The following ANGPT1 variants were observed in gnomAD, a reference collection of about 807,000 sequenced individuals.
ANGPT1 encodes the protein angiopoietin 1, also known as angiopoietin-1.
In ANGPT1, 17 loss-of-function variants were observed where a neutral mutation model predicts 62.2. The observed-to-expected ratio is 0.27, with a 90% CI of 0.19 to 0.41. The LOEUF is 0.41. ANGPT1 is among the 10% of genes least tolerant of loss of function. The pLI is 1.00. For synonymous variants in ANGPT1, 199 were observed against 198.9 expected, an observed-to-expected ratio of 1.00 and a Z score of 0.00; for missense variants, 478 against 594.9, an observed-to-expected ratio of 0.80 and a Z score of 2.04.
intron 1 of ANGPT1, among the ~76,000 whole-genome samples, chr8:107,388,747 C>A (rs1816780699): frequency 6.6e-6 from 1 of 152,026 alleles, no homozygotes. Flanking sequence ...GTGGCAGAGC[C>A]GAATTGATTG....
chr8:107,325,534 T>A (rs1257041028), intron 3 of ANGPT1, among the ~76,000 whole-genome samples: 2 of 152,198 alleles, frequency 1.3e-5, no homozygotes, highest in Non-Finnish European at 2.9e-5. Flanking sequence ...TGAAATAAGA[T>A]GGGCACTGGC....
chr8:107,310,553 T>A (rs1814824749), intron 4 of ANGPT1, among the ~76,000 whole-genome samples: 1 of 152,072 alleles, frequency 6.6e-6, no homozygotes, highest in South Asian at 2.1e-4. Flanking sequence ...GGAAGCAGGT[T>A]GTATGGGAAA....
intron 1 of ANGPT1, among the ~76,000 whole-genome samples, chr8:107,428,142 T>A (rs530987703): frequency 1.3e-5 from 2 of 152,330 alleles, no homozygotes; most frequent in East Asian, 3.9e-4. Flanking sequence ...CTGGAATTGA[T>A]GTTTAAGGAG....
chr8:107,329,353 T>C (rs1014044966), intron 3 of ANGPT1, among the ~76,000 whole-genome samples: 7 of 152,060 alleles, frequency 4.6e-5, no homozygotes, highest in Admixed American at 1.3e-4. Flanking sequence ...TTAATATACA[T>C]GTATATACAA....
chr8:107,411,725 C>A (rs1185062840), intron 1 of ANGPT1, among the ~76,000 whole-genome samples: 1 of 152,158 alleles, frequency 6.6e-6, no homozygotes, highest in African/African-American at 2.4e-5. Flanking sequence ...ACTGACACAG[C>A]AAATAGGAGA....
intron 3 of ANGPT1, among the ~76,000 whole-genome samples, 197 bp from the exon 4 acceptor site, chr8:107,322,325 G>C (rs1202784911): frequency 1.3e-5 from 2 of 152,166 alleles, no homozygotes; most frequent in Non-Finnish European, 2.9e-5. Context: ...TAAAAAATAA[G>C]TAAACCAGAT....
At chr8:107,260,173 T>C (rs761210748) in intron 8 of ANGPT1, among the ~76,000 whole-genome samples, 33 of 152,080 alleles carry the variant, frequency 2.2e-4, no homozygotes, top group Non-Finnish European at 4.3e-4. Flanking sequence ...ACCTTCTGCT[T>C]TCAGTTAAGC....
chr8:107,283,260 A>G (rs1814059217), intron 7 of ANGPT1, among the ~76,000 whole-genome samples: 1 of 152,114 alleles, frequency 6.6e-6, no homozygotes, highest in Non-Finnish European at 1.5e-5. Context: ...CCTCCTTGGA[A>G]ACATTTCTTC....
At chr8:107,380,940 C>A (rs544605342) in intron 1 of ANGPT1, among the ~76,000 whole-genome samples, 46 of 152,364 alleles carry the variant, frequency 3.0e-4, no homozygotes, top group African/African-American at 1.1e-3. Context: ...AAAGTAAAAG[C>A]AAGGTCATCT....
At chr8:107,471,195 C>T (rs1409464035) in intron 1 of ANGPT1, among the ~76,000 whole-genome samples, 1 of 152,154 alleles carries the variant, frequency 6.6e-6, no homozygotes, top group Non-Finnish European at 1.5e-5. Flanking sequence ...CACATATACA[C>T]CATGGAATAC....
intron 5 of ANGPT1, among the ~76,000 whole-genome samples, chr8:107,300,349 T>A (rs1017613550): frequency 6.6e-6 from 1 of 151,608 alleles, no homozygotes; most frequent in African/African-American, 2.4e-5. Flanking sequence ...ATTTTTTACC[T>A]GCAAAAATGT....
chr8:107,367,543 TGCTCTCTGTC>T (rs1816302331), intron 1 of ANGPT1, among the ~76,000 whole-genome samples: 1 of 151,426 alleles, frequency 6.6e-6, no homozygotes, highest in East Asian at 2.0e-4. Flanking sequence ...ATCTAAAGCA[TGCTCTCTGTC>T]TCTCTCTGTC....
intron 1 of ANGPT1, among the ~76,000 whole-genome samples, chr8:107,347,948 C>G (rs2130162886): frequency 6.6e-6 from 1 of 152,198 alleles, no homozygotes; most frequent in East Asian, 1.9e-4. Context: ...TATTAGGTAC[C>G]TGGGAAAATA....
At chr8:107,263,013 A>G (rs1813529171) in intron 8 of ANGPT1, among the ~76,000 whole-genome samples, 1 of 152,192 alleles carries the variant, frequency 6.6e-6, no homozygotes, top group Admixed American at 6.5e-5. Flanking sequence ...ATGCAAGTTT[A>G]TATCATTCAT....
At chr8:107,462,836 C>G (rs1424701581) in intron 1 of ANGPT1, among the ~76,000 whole-genome samples, 1 of 151,984 alleles carries the variant, frequency 6.6e-6, no homozygotes, top group Non-Finnish European at 1.5e-5. Flanking sequence ...ACAAAAATAT[C>G]AAAACTGTTA....
intron 1 of ANGPT1, among the ~76,000 whole-genome samples, chr8:107,380,806 C>A (rs1185584659): frequency 1.3e-5 from 2 of 152,136 alleles, no homozygotes; most frequent in African/African-American, 2.4e-5. Context: ...CAAAAGACAA[C>A]GTCTTACTTT....
At chr8:107,406,611 C>T (rs1057354357) in intron 1 of ANGPT1, among the ~76,000 whole-genome samples, 1 of 151,938 alleles carries the variant, frequency 6.6e-6, no homozygotes, top group African/African-American at 2.4e-5. Flanking sequence ...TGTAGTCTTT[C>T]GAGTCTCATA....
rs116717427 is a variant in ANGPT1, at chr8:107,328,350, G to A, written c.576-6222C>T. Among the ~76,000 whole-genome samples the A allele has an allele frequency of 3.0e-3, 457 of 151,900 alleles. 2 individuals are homozygous for A. The highest frequency in any genetic ancestry group is 0.011 in the African/African-American group (446 of 41,472). On this transcript the variant is annotated intron_variant, in intron 3 of 8. Transcript: ENST00000517746. ...TCAAAGTCTGAAATCATATTTGTTT[G>A]GAAATTCAAATTTGGAGTAGAAGCA... is the stretch of plus-strand genomic sequence containing the variant.
chr8:107,290,542 C>G (rs1419374688), intron 6 of ANGPT1, among the ~76,000 whole-genome samples: 1 of 152,042 alleles, frequency 6.6e-6, no homozygotes, highest in African/African-American at 2.4e-5. Context: ...GTTATTTTGT[C>G]TTTAGGTGAA....
Sources: allele counts gnomAD v4.1 joint callset (sites outside exome capture counted in the v4.1 genomes callset), GRCh38; gene constraint gnomAD v4.1.1; transcripts MANE v1.5; gene names NCBI Gene and HGNC (gene_info 2026-07-23, HGNC 2026-07-21).